Variants in HS3ST1 observed in about 807,000 individuals in gnomAD.
HS3ST1 encodes heparan sulfate glucosamine 3-O-sulfotransferase 1.
A neutral mutation model predicts 20.7 loss-of-function variants in HS3ST1; 8 were observed. The ratio of observed to expected loss-of-function variants is 0.39; its 90% CI spans 0.23 to 0.70. HS3ST1 has a LOEUF of 0.70. Among genes scored for constraint, HS3ST1 ranks in the 30% least tolerant of loss-of-function variants. The pLI is 0.46. For missense variants in HS3ST1, 436 were observed against 423.4 expected, an observed-to-expected ratio of 1.03 and a Z score of -0.26; for synonymous variants, 205 against 190.4, an observed-to-expected ratio of 1.08 and a Z score of -0.63.
rs188608845 is a variant in HS3ST1, at chr4:11,416,382, G to A, written c.-109+12317C>T. ...TGAAGGGGCATGAAGGGGCATGACC[G>A]TGGTTCTGTCCTGCTCTCTGGGAGC... On this transcript the variant is annotated intron_variant, in intron 1 of 1. Transcript: ENST00000002596. 5.3e-5 allele frequency among the ~76,000 whole-genome samples: 8 copies of A among 152,320 alleles called. No homozygotes were observed. The East Asian group carries it at 9.6e-4, about 18-fold the overall frequency.
At chr4:11,421,478 C>T (rs553116514) in intron 1 of HS3ST1, among the ~76,000 whole-genome samples, 25 of 152,318 alleles carry the variant, frequency 1.6e-4, no homozygotes, top group Admixed American at 2.0e-4. Flanking sequence ...ATGTATTTTT[C>T]GGAGCACAGC....
Position 11,399,556 on chromosome 4 carries a change from C to T in HS3ST1, c.450G>A (p.Ser150=), listed in dbSNP as rs777308770. 1.6e-5 allele frequency: 26 copies of T among 1,613,810 alleles called. No homozygotes were observed. The highest frequency in any genetic ancestry group is 1.9e-5 in the Non-Finnish European group (23 of 1,180,030). ...GGGTGTAGTCAGATAGCACGCGCTC[C>T]GACGGGTCTCGCAGGATGAGCAGCA... The part of the protein sequence containing the change: ...IRLLLILRDP[S]ERVLSDYTQV... The change falls in exon 2 of 2, where the codon TCG becomes TCA. Residue 150 remains serine, a synonymous_variant. Coordinates refer to ENST00000002596, the MANE Select transcript of HS3ST1 (RefSeq NM_005114.4). The surrounding 1 kb of genome is among the most constrained non-coding windows in gnomAD (Gnocchi z 5.1).
chr4:11,424,033 T>G (rs1184357409), intron 1 of HS3ST1, among the ~76,000 whole-genome samples: 1 of 119,178 alleles, frequency 8.4e-6, no homozygotes, highest in African/African-American at 3.9e-5. Flanking sequence ...TGACAGTCTA[T>G]CTTGAAAAAA....
intron 1 of HS3ST1, among the ~76,000 whole-genome samples, chr4:11,418,682 A>T (rs1227988964): frequency 6.6e-6 from 1 of 152,190 alleles, no homozygotes; most frequent in Non-Finnish European, 1.5e-5. Flanking sequence ...GGGCTTAGGG[A>T]CAGGAGGAAG....
chr4:11,426,370 C>T (rs1378018447), intron 1 of HS3ST1, among the ~76,000 whole-genome samples: 1 of 151,528 alleles, frequency 6.6e-6, no homozygotes, highest in Non-Finnish European at 1.5e-5. Context: ...GAGGCCCCCC[C>T]CCCAACCCTC....
rs1158018465 is a variant in HS3ST1 at position 11,394,094 on chromosome 4, C to T, written c.*4988G>A. ...TCCTAAAGTCCCAAATGTTTTTAAC[C>T]ACTAAGTAACATATGCACTGGGTTT... On this transcript the variant is annotated 3_prime_UTR_variant, in exon 2 of 2. Coordinates refer to ENST00000002596, the MANE Select transcript of HS3ST1 (RefSeq NM_005114.4). The T allele has an allele frequency of 1.3e-5, 2 of 152,192 alleles. No individual in the cohort carries two copies. The highest frequency in any genetic ancestry group is 3.8e-4 in the East Asian group (2 of 5,202). 9.4% of individuals were successfully genotyped at this position (152,192 alleles called of 1,614,324 possible).
At chr4:11,430,092 G>A (rs75536008), upstream of HS3ST1, among the ~76,000 whole-genome samples, 3,223 of 152,148 alleles carry the variant, frequency 0.021, 42 homozygotes, top group Middle Eastern at 0.034. Context: ...GTTCCTATAG[G>A]AAATTGGCCC....
chr4:11,416,386 T>A (rs572705580), intron 1 of HS3ST1, among the ~76,000 whole-genome samples: 1 of 152,244 alleles, frequency 6.6e-6, no homozygotes, highest in East Asian at 1.9e-4. Flanking sequence ...ATGACCGTGG[T>A]TCTGTCCTGC....
Position 11,410,817 on chromosome 4 carries a change from G to A in HS3ST1, c.-108-10704C>T, listed in dbSNP as rs183716049. Among the ~76,000 whole-genome samples, 349 of 152,168 alleles carry A rather than the reference G, an allele frequency of 2.3e-3. 1 individual carries two copies. Among genetic ancestry groups the A allele is most frequent in the African/African-American group, 7.3e-3 (301 of 41,500 alleles). The stretch of plus-strand genomic sequence containing the variant: ...TGAGGCAGGAGAATTGCTTGAACCT[G>A]GGAGGCAGAGTTTGCAGTGAGCCAA... On this transcript the variant is annotated intron_variant, in intron 1 of 1. Coordinates refer to ENST00000002596, the MANE Select transcript of HS3ST1 (RefSeq NM_005114.4).
chr4:11,410,765 G>A (rs575318412), intron 1 of HS3ST1, among the ~76,000 whole-genome samples: 7 of 152,240 alleles, frequency 4.6e-5, no homozygotes, highest in African/African-American at 9.6e-5. Flanking sequence ...GGTGGCACAC[G>A]CCTGTAATCC....
At chr4:11,432,534 T>C (rs894490425), upstream of HS3ST1, among the ~76,000 whole-genome samples, 1 of 152,204 alleles carries the variant, frequency 6.6e-6, no homozygotes, top group Admixed American at 6.5e-5. Context: ...CACATTCCTG[T>C]CTTAATAGAA....
At chr4:11,416,642 A>T (rs1200550929) in intron 1 of HS3ST1, among the ~76,000 whole-genome samples, 2 of 152,144 alleles carry the variant, frequency 1.3e-5, no homozygotes, top group Non-Finnish European at 2.9e-5. Flanking sequence ...CGGAGCAGGT[A>T]CTCTCCGGAG....
Position 11,398,741 on chromosome 4 carries a change from A to G in HS3ST1, c.*341T>C, listed in dbSNP as rs1175050385. 1 of 181,038 alleles carries G rather than the reference A, an allele frequency of 5.5e-6. No individual in the cohort carries two copies. The highest frequency in any genetic ancestry group is 2.4e-5 in the African/African-American group (1 of 42,532). 11.2% of individuals were successfully genotyped at this position (181,038 alleles called of 1,614,324 possible). On this transcript the variant is annotated 3_prime_UTR_variant, in exon 2 of 2. Coordinates refer to ENST00000002596, the MANE Select transcript of HS3ST1 (RefSeq NM_005114.4). ...AGATTTTGCAATGATTGCAACACAG[A>G]CAGCTATTTTGAGTTGGGGGCAAGT...
chr4:11,407,194 G>A (rs1046319029), intron 1 of HS3ST1, among the ~76,000 whole-genome samples: 1 of 152,156 alleles, frequency 6.6e-6, no homozygotes, highest in African/African-American at 2.4e-5. Context: ...GAGGTGGGAT[G>A]GGGTGAAAAG....
chr4:11,425,455 C>A (rs1719036487), intron 1 of HS3ST1, among the ~76,000 whole-genome samples: 1 of 152,112 alleles, frequency 6.6e-6, no homozygotes, highest in South Asian at 2.1e-4. Context: ...AAAGGAAAAA[C>A]ACTCTAAAAA....
At position 11,418,580 on chromosome 4, in the gene HS3ST1, C is replaced by G. The variant is rs555662630; in HGVS notation, c.-109+10119G>C. ...TTCAAACTGCGTGGCGAATGGAGCT[C>G]TGGCCCCAAGAATGATCCTGCATCA... is the stretch of plus-strand genomic sequence containing the variant. On this transcript the variant is annotated intron_variant, in intron 1 of 1. Transcript: ENST00000002596. Among the ~76,000 whole-genome samples, 22 of 152,292 alleles carry G rather than the reference C, an allele frequency of 1.4e-4. No homozygotes were observed. In the East Asian group the frequency reaches 4.1e-3, roughly 28 times the overall value.
chr4:11,394,791 T>A lies in HS3ST1; in HGVS notation c.*4291A>T, dbSNP rs1718091891. The stretch of plus-strand genomic sequence containing the variant: ...TGGCTCTATCAACATGGGCAAGCCC[T>A]TTAATTTCTGAGTTTATTTTTCTGT... On this transcript the variant is annotated 3_prime_UTR_variant, in exon 2 of 2. Coordinates refer to ENST00000002596, the MANE Select transcript of HS3ST1 (RefSeq NM_005114.4). The A allele has an allele frequency of 6.6e-6, 1 of 152,248 alleles. No homozygotes were observed. The highest frequency in any genetic ancestry group is 2.4e-5 in the African/African-American group (1 of 41,476). 9.4% of individuals were successfully genotyped at this position (152,248 alleles called of 1,614,324 possible).
At chr4:11,410,190 A>C (rs1208090812) in intron 1 of HS3ST1, among the ~76,000 whole-genome samples, 1 of 152,242 alleles carries the variant, frequency 6.6e-6, no homozygotes, top group Non-Finnish European at 1.5e-5. Context: ...GGGGACACTG[A>C]AATAATCCCG....
In HS3ST1 at chr4:11,393,780, GGTCA is replaced by G. The variant is rs1188132096; in HGVS notation, c.*5298_*5301del. The G allele has an allele frequency of 2.0e-5, 3 of 152,246 alleles. No individual in the cohort carries two copies. The highest frequency in any genetic ancestry group is 7.2e-5 in the African/African-American group (3 of 41,460). The allele number at this position is 152,246 out of a possible 1,614,324, so 9.4% of individuals were successfully genotyped here. ...CTACCCCCATGCCCCATCCCACATG[GGTCA>G]GTCAATCATTAGTCATGCCCTAACC... On this transcript the variant is annotated 3_prime_UTR_variant, in exon 2 of 2. Coordinates refer to ENST00000002596, the MANE Select transcript of HS3ST1 (RefSeq NM_005114.4).
Sources: gnomAD v4.1 joint callset for allele counts (sites outside exome capture counted in the v4.1 genomes callset) on GRCh38, gnomAD v4.1.1 for gene constraint, Gnocchi (gnomAD v3.1) non-coding constraint, MANE v1.5 for transcripts, NCBI Gene and HGNC (gene_info 2026-07-23, HGNC 2026-07-21) for gene names.